TNR: variants seen among roughly 807,000 people sequenced by gnomAD.
The protein encoded by TNR is tenascin-R.
A neutral mutation model predicts 150.4 loss-of-function variants in TNR; 45 were observed. That is an observed-to-expected ratio of 0.30 (90% CI 0.24 to 0.38). TNR has a LOEUF of 0.38. Ranked by LOEUF, TNR falls within the 10% of genes least tolerant of loss-of-function variation. TNR has a pLI of 1.00. For missense variants in TNR, 1,544 were observed against 1,759.1 expected (o/e 0.88, Z 2.19); for synonymous variants, 687 against 678.4 (o/e 1.01, Z -0.20).
Position 175,319,417 on chromosome 1 carries a change from C to T in TNR, c.*3940G>A, listed in dbSNP as rs1479416910. ...TGACTTTTTGTCCCTTAATCTACAG[C>T]TCTGCTCTGAGACTGGATTTGAAAA... is the stretch of plus-strand genomic sequence containing the variant. On this transcript the variant is annotated 3_prime_UTR_variant, in exon 23 of 23. Coordinates refer to ENST00000367674, the MANE Select transcript of TNR (RefSeq NM_003285.3). The T allele has an allele frequency of 6.6e-6, 1 of 152,218 alleles. No homozygotes were observed. Among genetic ancestry groups the T allele is most frequent in the Non-Finnish European group, 1.5e-5 (1 of 68,040 alleles). 9.4% of individuals were successfully genotyped at this position (152,218 alleles called of 1,614,324 possible).
chr1:175,524,821 C>T (rs1040044643), intron 2 of TNR, among the ~76,000 whole-genome samples: 2 of 152,186 alleles, frequency 1.3e-5, no homozygotes, highest in Non-Finnish European at 2.9e-5. Context: ...TAGGAAGGTA[C>T]TTGGACAAGC....
At chr1:175,643,763 A>G (rs954579368) in intron 1 of TNR, among the ~76,000 whole-genome samples, 1 of 152,198 alleles carries the variant, frequency 6.6e-6, no homozygotes, top group African/African-American at 2.4e-5. Flanking sequence ...CATAATATCT[A>G]TTCAATATTC....
At chr1:175,459,727 T>C (rs942833501) in intron 2 of TNR, among the ~76,000 whole-genome samples, 1 of 152,128 alleles carries the variant, frequency 6.6e-6, no homozygotes, top group African/African-American at 2.4e-5. Flanking sequence ...ACAGGGGCTG[T>C]TTCTCTCCCA....
intron 1 of TNR, among the ~76,000 whole-genome samples, chr1:175,675,137 C>T (rs927391978): frequency 3.9e-5 from 6 of 152,320 alleles, no homozygotes; most frequent in Middle Eastern, 3.4e-3. Context: ...TGGCAAGTTG[C>T]AGAGCAGCCA....
chr1:175,321,844 A>G lies in TNR; in HGVS notation c.*1513T>C, dbSNP rs1203248186. ...GGCTTCTCATGATCTCACCTCATTA[A>G]GAAGGTCATTCCTGTTTCCCATAGG... is the stretch of plus-strand genomic sequence containing the variant. On this transcript the variant is annotated 3_prime_UTR_variant, in exon 23 of 23. Coordinates refer to ENST00000367674, the MANE Select transcript of TNR (RefSeq NM_003285.3). 6.6e-6 allele frequency: 1 copy of G among 152,204 alleles called. No individual in the cohort carries two copies. Among genetic ancestry groups the G allele is most frequent in the Non-Finnish European group, 1.5e-5 (1 of 68,038 alleles). The allele number at this position is 152,204 out of a possible 1,614,324, so 9.4% of individuals were successfully genotyped here.
chr1:175,547,885 C>T (rs570327551), intron 1 of TNR, among the ~76,000 whole-genome samples: 1 of 152,278 alleles, frequency 6.6e-6, no homozygotes, highest in East Asian at 1.9e-4. Context: ...GAATGCAATG[C>T]TCAGAAATTT....
intron 2 of TNR, among the ~76,000 whole-genome samples, chr1:175,498,146 TTGGGTCTTG>T (rs1212694762): frequency 1.3e-5 from 2 of 152,154 alleles, no homozygotes; most frequent in African/African-American, 4.8e-5. Context: ...CAAATCCTGC[TTGGGTCTTG>T]TAAAATTCCT....
At chr1:175,465,312 C>T (rs1205307547) in intron 2 of TNR, among the ~76,000 whole-genome samples, 1 of 152,170 alleles carries the variant, frequency 6.6e-6, no homozygotes, top group Non-Finnish European at 1.5e-5. Context: ...ACAAACAACC[C>T]ATGGAAACTT....
intron 5 of TNR, among the ~76,000 whole-genome samples, chr1:175,394,950 G>A (rs1191121219): frequency 6.6e-6 from 1 of 152,144 alleles, no homozygotes; most frequent in African/African-American, 2.4e-5. Context: ...AGGCACTTAG[G>A]GTGGTGACTC....
chr1:175,406,119 T>C, intron 3 of TNR, 97 bp downstream of exon 3: 1 of 1,490,732 alleles, frequency 6.7e-7, no homozygotes, highest in Non-Finnish European at 8.9e-7. Flanking sequence ...GAGTGCGTTT[T>C]CGCTGGAAGT....
chr1:175,632,866 T>C (rs111552220), intron 1 of TNR, among the ~76,000 whole-genome samples: 1 of 152,090 alleles, frequency 6.6e-6, no homozygotes, highest in African/African-American at 2.4e-5. Flanking sequence ...AACCTCAACA[T>C]TAAACTGAGA....
intron 9 of TNR, among the ~76,000 whole-genome samples, 161 bp downstream of exon 9, chr1:175,379,391 A>G (rs1652562166): frequency 6.6e-6 from 1 of 152,194 alleles, no homozygotes; most frequent in Non-Finnish European, 1.5e-5. Flanking sequence ...AGAACAGGTG[A>G]TGGCAGTACA....
At chr1:175,371,123 C>T (rs1267235242) in intron 9 of TNR, among the ~76,000 whole-genome samples, 1 of 151,744 alleles carries the variant, frequency 6.6e-6, no homozygotes, top group Non-Finnish European at 1.5e-5. Context: ...TAGATATCAG[C>T]ACTCTGAGTA....
chr1:175,449,539 T>G (rs1338048351), intron 2 of TNR, among the ~76,000 whole-genome samples: 1 of 152,236 alleles, frequency 6.6e-6, no homozygotes, highest in African/African-American at 2.4e-5. Context: ...CTGGGTCAGT[T>G]GCTAAATGAA....
At chr1:175,607,491 C>T (rs1224305623) in intron 1 of TNR, among the ~76,000 whole-genome samples, 2 of 152,232 alleles carry the variant, frequency 1.3e-5, no homozygotes, top group African/African-American at 4.8e-5. Flanking sequence ...AGAACACAGT[C>T]CTCCTCTAAG....
intron 20 of TNR, among the ~76,000 whole-genome samples, chr1:175,334,812 G>A (rs969153298): frequency 2.6e-5 from 4 of 152,150 alleles, no homozygotes; most frequent in Non-Finnish European, 5.9e-5. Flanking sequence ...CCACTTGGTG[G>A]CCTTGTGTTA....
At chr1:175,716,237 C>T (rs1667152142) in intron 1 of TNR, among the ~76,000 whole-genome samples, 1 of 152,166 alleles carries the variant, frequency 6.6e-6, no homozygotes, top group Admixed American at 6.5e-5. Flanking sequence ...AAGATGAGTC[C>T]TCAAGATTCT....
chr1:175,525,502 A>T (rs928117873), intron 2 of TNR, among the ~76,000 whole-genome samples: 1 of 152,232 alleles, frequency 6.6e-6, no homozygotes, highest in African/African-American at 2.4e-5. Context: ...TTCTGATCAA[A>T]GCCATAGTTT....
In TNR at chr1:175,361,846, G is replaced by C. The variant is rs146439126; in HGVS notation, c.2854+817C>G. ...TCTGCAGCGAATCTTTGCATGTTCT[G>C]CCTGGTGTACTTGCTGAGGGGCCAG... is the stretch of plus-strand genomic sequence containing the variant. On this transcript the variant is annotated intron_variant, in intron 14 of 22. Coordinates refer to ENST00000367674, the MANE Select transcript of TNR (RefSeq NM_003285.3). Among the ~76,000 whole-genome samples, 130 of 152,310 alleles carry C rather than the reference G, an allele frequency of 8.5e-4. 2 individuals are homozygous for C. Among genetic ancestry groups the C allele is most frequent in the African/African-American group, 3.0e-3 (124 of 41,568 alleles).
Sources: gnomAD v4.1 joint callset for allele counts (sites outside exome capture counted in the v4.1 genomes callset) on GRCh38, gnomAD v4.1.1 for gene constraint, MANE v1.5 for transcripts, NCBI Gene and HGNC (gene_info 2026-07-23, HGNC 2026-07-21) for gene names.